The following PKIB variants were observed in gnomAD, a reference collection of about 807,000 sequenced individuals.
PKIB encodes PKI-beta.
Under a neutral mutation model 4.5 loss-of-function variants are expected in PKIB, and 2 were observed. That is an observed-to-expected ratio of 0.44 (90% CI 0.18 to 1.39). The LOEUF is 1.39. Ranked by LOEUF, PKIB falls within the 40% of genes most tolerant of loss-of-function variation. The pLI, the probability that PKIB is intolerant of heterozygous loss-of-function variation, is 0.27. For synonymous variants in PKIB, 38 were observed against 36.0 expected, an observed-to-expected ratio of 1.06 and a Z score of -0.20; for missense variants, 94 against 92.6, an observed-to-expected ratio of 1.02 and a Z score of -0.06.
intron 3 of PKIB, among the ~76,000 whole-genome samples, chr6:122,678,954 A>C (rs1777792582): frequency 6.6e-6 from 1 of 152,238 alleles, no homozygotes; most frequent in East Asian, 1.9e-4. Context: ...ATGGAGGAAG[A>C]GGGACACTGC....
chr6:122,576,581 T>C (rs34824148), intron 2 of PKIB, among the ~76,000 whole-genome samples: 4 of 143,396 alleles, frequency 2.8e-5, no homozygotes, highest in Non-Finnish European at 6.0e-5. Context: ...GGCAGGAGAA[T>C]GGCGTGAACC....
At chr6:122,687,166 G>A (rs1313096688) in intron 3 of PKIB, among the ~76,000 whole-genome samples, 1 of 152,140 alleles carries the variant, frequency 6.6e-6, no homozygotes, top group African/African-American at 2.4e-5. Flanking sequence ...CAGGGGTCTA[G>A]TTTCACTCTT....
upstream of PKIB, among the ~76,000 whole-genome samples, chr6:122,606,471 C>G (rs767812149): frequency 5.3e-5 from 8 of 149,714 alleles, no homozygotes; most frequent in Admixed American, 1.3e-4. Context: ...ACTTGGGAGG[C>G]TGAGGCAGGA....
intron 1 of PKIB, among the ~76,000 whole-genome samples, chr6:122,612,333 A>G (rs1042848414): frequency 4.6e-5 from 7 of 152,190 alleles, no homozygotes; most frequent in Non-Finnish European, 1.0e-4. Context: ...TTAATTTTCT[A>G]AAAGTTGTAA....
At chr6:122,719,873 T>C (rs1018492722) in intron 4 of PKIB, among the ~76,000 whole-genome samples, 2 of 152,076 alleles carry the variant, frequency 1.3e-5, no homozygotes, top group Non-Finnish European at 2.9e-5. Context: ...ATATATATAA[T>C]TTTTATTTGT....
chr6:122,611,021 T>C (rs1165004463), intron 1 of PKIB, among the ~76,000 whole-genome samples: 1 of 152,232 alleles, frequency 6.6e-6, no homozygotes, highest in Non-Finnish European at 1.5e-5. Flanking sequence ...CCAAGTCACC[T>C]CACCTCACTG....
intron 2 of PKIB, among the ~76,000 whole-genome samples, chr6:122,542,149 T>C (rs1158715574): frequency 6.6e-6 from 1 of 151,860 alleles, no homozygotes; most frequent in Non-Finnish European, 1.5e-5. Context: ...TAGCTCAGAG[T>C]AGTTTGATTG....
At chr6:122,672,807 G>A (rs1250619365) in intron 2 of PKIB, among the ~76,000 whole-genome samples, 2 of 151,580 alleles carry the variant, frequency 1.3e-5, no homozygotes, top group Admixed American at 6.6e-5. Flanking sequence ...TCATATATAG[G>A]AGATATGTAC....
At chr6:122,496,252 A>G (rs1776074041) in intron 2 of PKIB, among the ~76,000 whole-genome samples, 1 of 152,234 alleles carries the variant, frequency 6.6e-6, no homozygotes, top group African/African-American at 2.4e-5. Flanking sequence ...CTATAGAAGT[A>G]AAGCCAAAAG....
chr6:122,611,558 C>T (rs940018394), intron 1 of PKIB, among the ~76,000 whole-genome samples: 2 of 152,176 alleles, frequency 1.3e-5, no homozygotes, highest in African/African-American at 4.8e-5. Context: ...CAGTGGTTTG[C>T]ATACTGAAAG....
At chr6:122,660,945 T>A (rs1449874065) in intron 2 of PKIB, among the ~76,000 whole-genome samples, 3 of 152,204 alleles carry the variant, frequency 2.0e-5, no homozygotes, top group Non-Finnish European at 4.4e-5. Flanking sequence ...TACTTAGACT[T>A]TTTTAGTGTT....
chr6:122,672,950 T>G (rs1196498509), intron 2 of PKIB, among the ~76,000 whole-genome samples: 1 of 152,100 alleles, frequency 6.6e-6, no homozygotes, highest in Non-Finnish European at 1.5e-5. Flanking sequence ...TCTCACAGTC[T>G]CAACCTTTAG....
Position 122,570,314 on chromosome 6 carries a change from T to C in PKIB, c.-247-15607T>C, listed in dbSNP as rs116619503. Among the ~76,000 whole-genome samples, 770 of 152,236 alleles carry C rather than the reference T, an allele frequency of 5.1e-3. 8 individuals carry two copies. Among genetic ancestry groups the C allele is most frequent in the African/African-American group, 0.018 (727 of 41,534 alleles). ...ACCTCTGTACATCTAATTGAGGGCT[T>C]CCCAGCCACCTTCAACAAGGCTGGG... is the stretch of plus-strand genomic sequence containing the variant. On this transcript the variant is annotated intron_variant, in intron 2 of 6. Coordinates refer to the PKIB transcript ENST00000392491.
intron 2 of PKIB, among the ~76,000 whole-genome samples, chr6:122,490,870 A>AG (rs1157895256): frequency 6.6e-6 from 1 of 152,192 alleles, no homozygotes; most frequent in Admixed American, 6.5e-5. Flanking sequence ...CTGAATCCAT[A>AG]GGGAAGCTCT....
intron 2 of PKIB, among the ~76,000 whole-genome samples, chr6:122,548,674 C>G (rs1772578236): frequency 6.6e-6 from 1 of 152,056 alleles, no homozygotes; most frequent in Non-Finnish European, 1.5e-5. Context: ...CACACAATGA[C>G]TAAATGGGCA....
chr6:122,500,579 G>A (rs747733263), intron 2 of PKIB, among the ~76,000 whole-genome samples: 10 of 152,110 alleles, frequency 6.6e-5, no homozygotes, highest in Non-Finnish European at 1.3e-4. Context: ...CTGCTCCAGA[G>A]GATTAAGAAC....
intron 2 of PKIB, among the ~76,000 whole-genome samples, chr6:122,532,349 T>C (rs1777284011): frequency 6.6e-6 from 1 of 152,188 alleles, no homozygotes; most frequent in Non-Finnish European, 1.5e-5. Context: ...AGCAGCTTCC[T>C]TTTTTATAAC....
At chr6:122,639,676 C>T (rs143937056) in intron 2 of PKIB, among the ~76,000 whole-genome samples, 2 of 152,134 alleles carry the variant, frequency 1.3e-5, no homozygotes, top group East Asian at 1.9e-4. Flanking sequence ...TCTTCAATTA[C>T]GTGAGAAATA....
At chr6:122,664,223 T>A (rs1777128324) in intron 2 of PKIB, among the ~76,000 whole-genome samples, 1 of 152,248 alleles carries the variant, frequency 6.6e-6, no homozygotes, top group South Asian at 2.1e-4. Context: ...TGAGAATTGG[T>A]TTTAGTGACT....
Sources: gnomAD v4.1 joint callset for allele counts (sites outside exome capture counted in the v4.1 genomes callset) on GRCh38, gnomAD v4.1.1 for gene constraint, MANE v1.5 for transcripts, NCBI Gene and HGNC (gene_info 2026-07-23, HGNC 2026-07-21) for gene names.